The following MXRA7 variants were observed in gnomAD, a reference collection of about 807,000 sequenced individuals.
MXRA7 encodes the protein matrix remodeling associated 7.
Under a neutral mutation model 17.4 loss-of-function variants are expected in MXRA7, and 18 were observed. That is an observed-to-expected ratio of 1.03 (90% CI 0.71 to 1.53). MXRA7 has a LOEUF of 1.53. Among genes scored for constraint, MXRA7 ranks in the 40% most tolerant of loss-of-function variants. The probability of loss-of-function intolerance (pLI) is 0.00; values close to 1 mark genes in which losing one functional copy is unlikely to be tolerated. For synonymous variants in MXRA7, 70 were observed against 101.7 expected (o/e 0.69, Z 1.87); for missense variants, 141 against 209.3 (o/e 0.67, Z 2.01).
intron 3 of MXRA7, among the ~76,000 whole-genome samples, chr17:76,684,863 G>A (rs370891159): frequency 2.6e-4 from 39 of 152,300 alleles, no homozygotes; most frequent in East Asian, 9.6e-4. Context: ...TCAGTGCCAG[G>A]GAGGGGTGCC....
In MXRA7 at chr17:76,679,634, G is replaced by C. The variant is rs1402443276; in HGVS notation, c.*1233C>G. 2.6e-5 allele frequency: 25 copies of C among 961,572 alleles called. No individual in the cohort carries two copies. Among genetic ancestry groups the C allele is most frequent in the Non-Finnish European group, 3.0e-5 (24 of 808,224 alleles). The allele number at this position is 961,572 out of a possible 1,614,324, so 59.6% of individuals were successfully genotyped here. A position where few individuals can be genotyped will look rare whatever the true frequency, so the allele number is the denominator to read the frequency against. On this transcript the variant is annotated 3_prime_UTR_variant, in exon 4 of 4. Coordinates refer to ENST00000449428, the MANE Select transcript of MXRA7 (RefSeq NM_198530.4). The stretch of plus-strand genomic sequence containing the variant: ...CTGAATACAGAGATCCAAGCCATGA[G>C]GAGTACATGAGGTGTGGTGCCTATA...
chr17:76,701,682 G>T (rs1451177748), intron 1 of MXRA7, among the ~76,000 whole-genome samples: 1 of 152,074 alleles, frequency 6.6e-6, no homozygotes, highest in Admixed American at 6.5e-5. Flanking sequence ...TATGTTGTGG[G>T]TGGGGGGTGT....
chr17:76,688,402 G>C, intron 1 of MXRA7: 3 of 1,417,718 alleles, frequency 2.1e-6, no homozygotes. Context: ...GCGTGTTCTT[G>C]ACTGTGCACC....
At chr17:76,706,326 G>C (rs2076658962) in intron 1 of MXRA7, among the ~76,000 whole-genome samples, 1 of 91,808 alleles carries the variant, frequency 1.1e-5, no homozygotes, top group East Asian at 2.9e-4. Context: ...CATCACAAAG[G>C]ACCACGCTGC....
intron 1 of MXRA7, among the ~76,000 whole-genome samples, chr17:76,694,794 C>G (rs1426028183): frequency 6.6e-6 from 1 of 152,116 alleles, no homozygotes; most frequent in Non-Finnish European, 1.5e-5. Context: ...CCATGTTGCC[C>G]AGGCTGGGCT....
At chr17:76,694,506 G>T (rs144737154) in intron 1 of MXRA7, among the ~76,000 whole-genome samples, 1 of 152,218 alleles carries the variant, frequency 6.6e-6, no homozygotes, top group African/African-American at 2.4e-5. Context: ...GCTTCTACTG[G>T]AAATAACATC....
At chr17:76,701,108 G>A (rs956542812) in intron 1 of MXRA7, among the ~76,000 whole-genome samples, 9 of 152,162 alleles carry the variant, frequency 5.9e-5, no homozygotes, top group African/African-American at 1.7e-4. Flanking sequence ...TGCTCTCTGC[G>A]CTAGGAAGGT....
chr17:76,708,077 G>A (rs576045740), intron 1 of MXRA7, among the ~76,000 whole-genome samples: 7 of 152,318 alleles, frequency 4.6e-5, no homozygotes, highest in South Asian at 2.1e-4. Context: ...CCAGGGTCTC[G>A]GCCTATAGTA....
chr17:76,710,524 G>A (rs1314474364), intron 1 of MXRA7, 81 bp downstream of exon 1: 6 of 1,147,068 alleles, frequency 5.2e-6, no homozygotes, highest in South Asian at 3.3e-5. Flanking sequence ...CCGCGGCCCC[G>A]CTCCCTGGCT....
rs75782205 is a variant in MXRA7 at position 76,685,517 on chromosome 17, T to C, written c.407-352A>G. On this transcript the variant is annotated intron_variant, in intron 2 of 3. Coordinates refer to ENST00000449428, the MANE Select transcript of MXRA7 (RefSeq NM_198530.4). ...TCCGGCAAGCAGAGCACAGCTCATC[T>C]TGGGACACACACCACGCCTGCCTGG... 8.9e-3 allele frequency among the ~76,000 whole-genome samples: 1,356 copies of C among 152,294 alleles called. 28 individuals carry two copies. Among genetic ancestry groups the C allele is most frequent in the African/African-American group, 0.031 (1,269 of 41,566 alleles).
chr17:76,686,568 T>C (rs2076400514), intron 2 of MXRA7, among the ~76,000 whole-genome samples: 1 of 152,200 alleles, frequency 6.6e-6, no homozygotes, highest in Admixed American at 6.5e-5. Context: ...CTGATTAGTT[T>C]TGTTTTCTGA....
intron 1 of MXRA7, chr17:76,688,866 C>A (rs919505534): frequency 1.6e-5 from 6 of 377,208 alleles, no homozygotes; most frequent in Non-Finnish European, 2.3e-5. Context: ...GGAACTTCAA[C>A]TTGGAAGCCC....
At chr17:76,678,517 C>T (rs935237824), downstream of MXRA7, among the ~76,000 whole-genome samples, 14 of 152,316 alleles carry the variant, frequency 9.2e-5, no homozygotes, top group African/African-American at 3.1e-4. Flanking sequence ...CACTCTGGTG[C>T]CCTGTGCTCC....
intron 3 of MXRA7, among the ~76,000 whole-genome samples, chr17:76,684,087 G>A (rs1042818553): frequency 1.1e-4 from 17 of 151,840 alleles, no homozygotes; most frequent in African/African-American, 3.9e-4. Flanking sequence ...GGTCGAGAGC[G>A]CTGATGCCAG....
chr17:76,684,071 G>A, intron 3 of MXRA7: 1 of 730,132 alleles, frequency 1.4e-6, no homozygotes, highest in Non-Finnish European at 2.5e-6. Context: ...GAGCTTTCCT[G>A]CTGAGGGTCG....
chr17:76,672,999 GTTAC>G (rs1346227141), exon 4 of MXRA7: 1 of 152,160 alleles, frequency 6.6e-6, no homozygotes, highest in Non-Finnish European at 1.5e-5. Context: ...TGGGCCTCAA[GTTAC>G]TTATAATTGG....
downstream of MXRA7, chr17:76,677,681 A>G (rs765291393): frequency 6.2e-7 from 1 of 1,613,974 alleles, no homozygotes; most frequent in Non-Finnish European, 8.5e-7. Flanking sequence ...TGAAGATGGC[A>G]GCCAGCTGTT....
chr17:76,709,470 C>A (rs1429445236), intron 1 of MXRA7: 1 of 152,286 alleles, frequency 6.6e-6, no homozygotes, highest in African/African-American at 2.4e-5. Flanking sequence ...AGCAAAGCGC[C>A]TGCTCAGAGG....
At chr17:76,675,617 A>C (rs913953716), downstream of MXRA7, 1 of 151,690 alleles carries the variant, frequency 6.6e-6, no homozygotes, top group Non-Finnish European at 1.5e-5. Flanking sequence ...CTGGTCTTGA[A>C]CTCCTGACCT....
Sources: gnomAD v4.1 joint callset for allele counts (sites outside exome capture counted in the v4.1 genomes callset) on GRCh38, gnomAD v4.1.1 for gene constraint, MANE v1.5 for transcripts, NCBI Gene and HGNC (gene_info 2026-07-23, HGNC 2026-07-21) for gene names.